The following LNPK variants were observed in gnomAD, a reference collection of about 807,000 sequenced individuals.
LNPK encodes lunapark, ER junction formation factor, also known as endoplasmic reticulum junction formation protein lunapark.
Under a neutral mutation model 55.2 loss-of-function variants are expected in LNPK, and 29 were observed. The observed-to-expected ratio is 0.53, with a 90% CI of 0.39 to 0.72. The LOEUF is 0.72. Among genes scored for constraint, LNPK ranks in the 30% least tolerant of loss-of-function variants. The pLI is 0.00. For missense variants in LNPK, 467 were observed against 494.8 expected, an observed-to-expected ratio of 0.94 and a Z score of 0.53; for synonymous variants, 162 against 168.2, an observed-to-expected ratio of 0.96 and a Z score of 0.29.
At chr2:175,958,326 T>C (rs1685804513) in intron 8 of LNPK, among the ~76,000 whole-genome samples, 1 of 152,082 alleles carries the variant, frequency 6.6e-6, no homozygotes. Flanking sequence ...GACCGACACC[T>C]TATACAGCCG....
chr2:175,994,654 G>A (rs1687850438), intron 2 of LNPK, among the ~76,000 whole-genome samples: 1 of 151,814 alleles, frequency 6.6e-6, no homozygotes, highest in Non-Finnish European at 1.5e-5. Flanking sequence ...CGCGTAGCTG[G>A]GATTGCAGGC....
chr2:175,971,837 T>G (rs1457377161), intron 5 of LNPK, among the ~76,000 whole-genome samples: 1 of 152,244 alleles, frequency 6.6e-6, no homozygotes, highest in South Asian at 2.1e-4. Flanking sequence ...ATCTGTACTT[T>G]AATCCAAGGG....
chr2:175,992,194 A>C (rs927457310), intron 4 of LNPK, 37 bp downstream of exon 4: 1 of 1,389,934 alleles, frequency 7.2e-7, no homozygotes, highest in African/African-American at 1.5e-5. Flanking sequence ...CTCTAGTCAG[A>C]AAAGGAAAAG....
chr2:175,970,867 T>C, intron 5 of LNPK, 63 bp from the exon 6 acceptor site: 1 of 1,296,728 alleles, frequency 7.7e-7, no homozygotes, highest in Non-Finnish European at 1.0e-6. Flanking sequence ...TCACGCCAAA[T>C]GACACACGGT....
chr2:176,000,703 C>A (rs371279455), intron 1 of LNPK, among the ~76,000 whole-genome samples: 1 of 152,102 alleles, frequency 6.6e-6, no homozygotes, highest in African/African-American at 2.4e-5. Flanking sequence ...TAATCACCAT[C>A]AACAGTACCT....
chr2:175,978,925 G>A (rs1485054277), intron 5 of LNPK, among the ~76,000 whole-genome samples: 1 of 152,132 alleles, frequency 6.6e-6, no homozygotes, highest in Non-Finnish European at 1.5e-5. Flanking sequence ...TCTAATGTGA[G>A]CAGAAGAGAA....
chr2:175,972,740 C>T (rs1264961584), intron 5 of LNPK, among the ~76,000 whole-genome samples: 2 of 152,080 alleles, frequency 1.3e-5, no homozygotes, highest in Non-Finnish European at 2.9e-5. Context: ...TGATATCAAT[C>T]CACAGGCATA....
chr2:175,993,293 T>C, intron 2 of LNPK, 70 bp from the exon 3 acceptor site: 1 of 869,966 alleles, frequency 1.1e-6, no homozygotes, highest in Non-Finnish European at 1.7e-6. Flanking sequence ...GATATAATCA[T>C]TAAAGAACAT....
intron 12 of LNPK, among the ~76,000 whole-genome samples, chr2:175,930,623 G>A (rs1234696120): frequency 7.6e-6 from 1 of 132,100 alleles, no homozygotes; most frequent in Non-Finnish European, 1.6e-5. Flanking sequence ...CTTGTGTCCA[G>A]GCAACCCTGT....
intron 2 of LNPK, among the ~76,000 whole-genome samples, chr2:175,994,549 G>C (rs932881364): frequency 6.6e-6 from 1 of 152,018 alleles, no homozygotes; most frequent in Non-Finnish European, 1.5e-5. Flanking sequence ...TTGAGACAGA[G>C]TCTAGCTCTG....
In LNPK at chr2:175,997,038, C is replaced by T. The variant is rs192149053; in HGVS notation, c.-62-1392G>A. Among the ~76,000 whole-genome samples, 68 of 152,188 alleles carry T rather than the reference C, an allele frequency of 4.5e-4. No homozygotes were observed. The East Asian group carries it at 0.01, about 23-fold the overall frequency. ...CATAAACGTAAACACAAAATAATACCAGTATCAAGTAAGCACACTCACTCT... is the reference window on the plus strand; with the variant it reads ...CATAAACGTAAACACAAAATAATACTAGTATCAAGTAAGCACACTCACTCT... On this transcript the variant is annotated intron_variant, in intron 1 of 12. Transcript: ENST00000272748.
intron 8 of LNPK, among the ~76,000 whole-genome samples, chr2:175,953,644 C>T (rs1007537231): frequency 6.6e-6 from 1 of 151,352 alleles, no homozygotes; most frequent in Non-Finnish European, 1.5e-5. Flanking sequence ...TCTTCTTTTT[C>T]CCCAACGCTA....
chr2:175,958,674 T>C (rs908955948), intron 8 of LNPK, among the ~76,000 whole-genome samples: 1 of 152,112 alleles, frequency 6.6e-6, no homozygotes, highest in Non-Finnish European at 1.5e-5. Flanking sequence ...TTCCGAAGGA[T>C]TGCAGCTCCT....
chr2:175,958,840 T>A (rs371893597), intron 8 of LNPK, among the ~76,000 whole-genome samples: 38 of 152,142 alleles, frequency 2.5e-4, no homozygotes, highest in African/African-American at 8.7e-4. Flanking sequence ...ATTAGACAAA[T>A]GGCTAACTAG....
chr2:175,994,306 A>G, intron 2 of LNPK: 4 of 983,828 alleles, frequency 4.1e-6, no homozygotes, highest in Non-Finnish European at 4.8e-6. Flanking sequence ...AAACAAGAAG[A>G]GATAAATTTG....
At chr2:175,952,634 C>G (rs111433851) in intron 8 of LNPK, among the ~76,000 whole-genome samples, 1 of 150,242 alleles carries the variant, frequency 6.7e-6, no homozygotes, top group African/African-American at 2.4e-5. Flanking sequence ...AGGTCAATGT[C>G]TTTTTATTGC....
intron 8 of LNPK, among the ~76,000 whole-genome samples, chr2:175,950,319 G>A (rs1475624327): frequency 2.0e-5 from 3 of 151,976 alleles, no homozygotes; most frequent in African/African-American, 7.2e-5. Flanking sequence ...ATACATAGGA[G>A]GAATAAGAGC....
rs1684460618 is a variant in LNPK at position 175,934,810 on chromosome 2, T to TA, written c.1054+2533dup. On this transcript the variant is annotated intron_variant, in intron 12 of 12. Transcript: ENST00000272748. ...CAAGCAAAAAGACAATCTATATCCATAATTTCTTGTATTTCTCTAATAATC... is the reference window on the plus strand; with the variant it reads ...CAAGCAAAAAGACAATCTATATCCATAAATTTCTTGTATTTCTCTAATAATC... 2.0e-5 allele frequency among the ~76,000 whole-genome samples: 3 copies of TA among 151,772 alleles called. No homozygotes were observed. In the South Asian group the frequency reaches 6.2e-4, roughly 32 times the overall value.
intron 8 of LNPK, among the ~76,000 whole-genome samples, chr2:175,953,395 A>G (rs1192117409): frequency 6.6e-6 from 1 of 152,108 alleles, no homozygotes; most frequent in Non-Finnish European, 1.5e-5. Context: ...TCAACTACCT[A>G]TGAACCTCAG....
Sources: allele counts gnomAD v4.1 joint callset (sites outside exome capture counted in the v4.1 genomes callset), GRCh38; gene constraint gnomAD v4.1.1; transcripts MANE v1.5; gene names NCBI Gene and HGNC (gene_info 2026-07-23, HGNC 2026-07-21).